FOXP2: variants seen among roughly 807,000 people sequenced by gnomAD.
FOXP2 encodes forkhead box P2.
In FOXP2, 12 loss-of-function variants were observed where a neutral mutation model predicts 115.8. That is an observed-to-expected ratio of 0.10 (90% CI 0.07 to 0.17). FOXP2 has a LOEUF of 0.17. FOXP2 is among the 10% of genes least tolerant of loss of function. The pLI is 1.00. For missense variants in FOXP2, 629 were observed against 843.5 expected (o/e 0.75, Z 3.15); for synonymous variants, 328 against 297.7 (o/e 1.10, Z -1.05).
At chr7:114,637,422 G>A (rs899385497) in intron 6 of FOXP2, among the ~76,000 whole-genome samples, 6 of 151,974 alleles carry the variant, frequency 3.9e-5, no homozygotes, top group African/African-American at 7.3e-5. Context: ...AAGAGAAACC[G>A]AATAATCTTC....
Position 114,658,053 on chromosome 7 carries a change from T to C in FOXP2, c.1267-13T>C. On this transcript the variant is annotated splice_polypyrimidine_tract_variant and intron_variant, in intron 10 of 16. Coordinates refer to ENST00000350908, the MANE Select transcript of FOXP2 (RefSeq NM_014491.4). ...CTCTACCTTTTTCCTGCCCTTCTCT[T>C]GGGCCTTTGCAGCTAAATCTGGTGT... 1 of 1,613,738 alleles carries C rather than the reference T, an allele frequency of 6.2e-7. No homozygotes were observed. The highest frequency in any genetic ancestry group is 8.5e-7 in the Non-Finnish European group (1 of 1,179,712).
intron 1 of FOXP2, among the ~76,000 whole-genome samples, chr7:114,269,604 TA>T (rs1795985896): frequency 1.3e-5 from 2 of 152,138 alleles, no homozygotes; most frequent in African/African-American, 4.8e-5. Context: ...AGTTTTTATT[TA>T]ATGTATAAAT....
At chr7:114,201,180 A>G (rs1297442024) in intron 1 of FOXP2, among the ~76,000 whole-genome samples, 2 of 151,336 alleles carry the variant, frequency 1.3e-5, no homozygotes, top group Admixed American at 1.3e-4. Flanking sequence ...TAAATAACCA[A>G]CCTAATTTGG....
intron 2 of FOXP2, among the ~76,000 whole-genome samples, chr7:114,462,312 C>A (rs1209057777): frequency 8.5e-6 from 1 of 117,488 alleles, no homozygotes. Flanking sequence ...AGGTAACAAA[C>A]ACTAAAGGAC....
intron 2 of FOXP2, among the ~76,000 whole-genome samples, chr7:114,323,913 G>T (rs1198539932): frequency 6.6e-6 from 1 of 151,924 alleles, no homozygotes; most frequent in Non-Finnish European, 1.5e-5. Context: ...CTGTGTTAGA[G>T]CTGGAGTTAT....
At chr7:114,121,577 TG>T in intron 1 of FOXP2, among the ~76,000 whole-genome samples, 1 of 152,214 alleles carries the variant, frequency 6.6e-6, no homozygotes, top group East Asian at 1.9e-4. Flanking sequence ...TAGATTAGCA[TG>T]GGGAGGGTGT....
chr7:114,406,822 C>T (rs929064973), intron 2 of FOXP2, among the ~76,000 whole-genome samples: 1 of 152,004 alleles, frequency 6.6e-6, no homozygotes, highest in African/African-American at 2.4e-5. Flanking sequence ...TCCTCCCTCT[C>T]TCCCTAGCCT....
rs1791373848 is a variant in FOXP2 at position 114,347,410 on chromosome 7, G to C, written c.-11+59301G>C. ...GTAAGACACATTCTCACTCATTTTT[G>C]CATTTTATACTGTCCTTCATACATT... On this transcript the variant is annotated intron_variant, in intron 2 of 17. Transcript: ENST00000634411. Among the ~76,000 whole-genome samples the C allele has an allele frequency of 1.3e-5, 2 of 151,734 alleles. 1 individual carries two copies. Among genetic ancestry groups the C allele is most frequent in the Admixed American group, 1.3e-4 (2 of 15,184 alleles).
chr7:114,545,329 T>A (rs986794854), intron 3 of FOXP2, among the ~76,000 whole-genome samples: 2 of 152,224 alleles, frequency 1.3e-5, no homozygotes, highest in African/African-American at 4.8e-5. Flanking sequence ...ATATTTATTG[T>A]CTAAATCTGA....
At chr7:114,669,486 T>C (rs1265659132) in intron 16 of FOXP2, 1 of 152,066 alleles carries the variant, frequency 6.6e-6, no homozygotes, top group Non-Finnish European at 1.5e-5. Flanking sequence ...CTGAGTATCA[T>C]TACAATTTAT....
chr7:114,188,422 A>G (rs1793668264), intron 1 of FOXP2, among the ~76,000 whole-genome samples: 2 of 152,126 alleles, frequency 1.3e-5, no homozygotes, highest in South Asian at 2.1e-4. Context: ...TTTTCCCTCC[A>G]TGCCATATGT....
intron 1 of FOXP2, among the ~76,000 whole-genome samples, chr7:114,122,408 T>C (rs917451359): frequency 6.6e-6 from 1 of 152,020 alleles, no homozygotes; most frequent in East Asian, 1.9e-4. Flanking sequence ...TCTTTTTTTT[T>C]TTTTCCTTTT....
At chr7:114,252,034 A>G (rs1306486102) in intron 1 of FOXP2, among the ~76,000 whole-genome samples, 1 of 152,236 alleles carries the variant, frequency 6.6e-6, no homozygotes, top group Non-Finnish European at 1.5e-5. Flanking sequence ...CCTTTTCTGC[A>G]TCTATTGAGA....
intron 2 of FOXP2, among the ~76,000 whole-genome samples, chr7:114,452,246 A>T (rs1020696395): frequency 6.6e-6 from 1 of 151,952 alleles, no homozygotes; most frequent in Non-Finnish European, 1.5e-5. Context: ...TCCTTCAGAC[A>T]CCACCCTATA....
chr7:114,514,067 A>G (rs940657245), intron 2 of FOXP2, among the ~76,000 whole-genome samples: 6 of 144,836 alleles, frequency 4.1e-5, no homozygotes, highest in Non-Finnish European at 7.5e-5. Context: ...TTTAAAATTG[A>G]TCTTAACATT....
chr7:114,569,976 G>A (rs1172166679), intron 3 of FOXP2, among the ~76,000 whole-genome samples: 2 of 151,850 alleles, frequency 1.3e-5, no homozygotes, highest in South Asian at 4.1e-4. Context: ...TCTTATGAAT[G>A]GGGATCATCC....
At chr7:114,680,703 C>A (rs547098426) in intron 16 of FOXP2, among the ~76,000 whole-genome samples, 1 of 151,358 alleles carries the variant, frequency 6.6e-6, no homozygotes, top group South Asian at 2.1e-4. Flanking sequence ...CGAGATCGTG[C>A]CACTGCACTC....
At chr7:114,648,462 C>A (rs1806044678) in intron 8 of FOXP2, among the ~76,000 whole-genome samples, 2 of 152,026 alleles carry the variant, frequency 1.3e-5, no homozygotes, top group South Asian at 4.1e-4. Flanking sequence ...AATCTGATCC[C>A]TTTTTAGCTT....
intron 2 of FOXP2, among the ~76,000 whole-genome samples, chr7:114,407,482 A>G (rs1179894688): frequency 6.6e-6 from 1 of 152,086 alleles, no homozygotes; most frequent in Non-Finnish European, 1.5e-5. Context: ...TGGACTTTTT[A>G]AGTTGTTTAC....
Sources: gnomAD v4.1 joint callset for allele counts (sites outside exome capture counted in the v4.1 genomes callset) on GRCh38, gnomAD v4.1.1 for gene constraint, MANE v1.5 for transcripts, NCBI Gene and HGNC (gene_info 2026-07-23, HGNC 2026-07-21) for gene names.